Variants in MARCHF1 observed in about 807,000 individuals in gnomAD.
MARCHF1 encodes membrane associated ring-CH-type finger 1, also known as E3 ubiquitin-protein ligase MARCHF1.
In MARCHF1, 40 loss-of-function variants were observed where a neutral mutation model predicts 54.2. That is an observed-to-expected ratio of 0.74 (90% CI 0.57 to 0.96). MARCHF1 has a LOEUF of 0.96. Ranked by LOEUF, MARCHF1 falls within the 40% of genes least tolerant of loss-of-function variation. The pLI is 0.00. For missense variants in MARCHF1, 586 were observed against 656.5 expected (o/e 0.89, Z 1.17); for synonymous variants, 236 against 236.3 (o/e 1.00, Z 0.01).
chr4:164,329,390 TA>T (rs1735366845), intron 1 of MARCHF1, among the ~76,000 whole-genome samples: 1 of 138,954 alleles, frequency 7.2e-6, no homozygotes, highest in Non-Finnish European at 1.6e-5. Flanking sequence ...AAGGGAGAAA[TA>T]AAGAAAAAAG....
Position 164,172,271 on chromosome 4 carries a change from A to C in MARCHF1, c.-322-60609T>G, listed in dbSNP as rs554139537. On this transcript the variant is annotated intron_variant, in intron 1 of 9. Coordinates refer to ENST00000514618, the MANE Select transcript of MARCHF1 (RefSeq NM_001394959.1). Reference sequence around the variant, plus strand: ...TAAACAAATTAAATTCTTGTTTATGAGATTATAATCACTTTATAGGTGGTA... The same window carrying C: ...TAAACAAATTAAATTCTTGTTTATGCGATTATAATCACTTTATAGGTGGTA... Among the ~76,000 whole-genome samples the C allele has an allele frequency of 3.5e-3, 527 of 152,358 alleles. 9 individuals carry two copies. The highest frequency in any genetic ancestry group is 1.7e-3 in the Non-Finnish European group (114 of 68,038).
rs1225480418 is a variant in MARCHF1, at chr4:163,530,545, T to G, written c.1340-1499A>C. 2.0e-5 allele frequency: 3 copies of G among 151,972 alleles called. No individual in the cohort carries two copies. The South Asian group carries it at 6.2e-4, about 31-fold the overall frequency. The allele number at this position is 151,972 out of a possible 1,614,324, so 9.4% of individuals were successfully genotyped here. A position where few individuals can be genotyped will look rare whatever the true frequency, so the allele number is the denominator to read the frequency against. On this transcript the variant is annotated intron_variant, in intron 9 of 9. Transcript: ENST00000514618. ...AATGCTTTGGCTCTGACTCTTCCTT[T>G]GAAATTTTTGGGGAAAAAATGTTCT...
At chr4:164,365,602 A>C (rs1328283189) in intron 1 of MARCHF1, among the ~76,000 whole-genome samples, 1 of 152,052 alleles carries the variant, frequency 6.6e-6, no homozygotes, top group Non-Finnish European at 1.5e-5. Context: ...CTTTGTAAGC[A>C]CTACTTTATT....
chr4:164,370,115 G>T (rs1412103952), intron 1 of MARCHF1, among the ~76,000 whole-genome samples: 1 of 152,150 alleles, frequency 6.6e-6, no homozygotes, highest in Non-Finnish European at 1.5e-5. Context: ...GGACAGGAAA[G>T]CTCTATCATA....
At chr4:164,261,664 C>T (rs1404709964) in intron 1 of MARCHF1, among the ~76,000 whole-genome samples, 8 of 152,180 alleles carry the variant, frequency 5.3e-5, no homozygotes, top group Admixed American at 4.6e-4. Flanking sequence ...TTCCCATCAG[C>T]TCTTCAAAGA....
intron 4 of MARCHF1, among the ~76,000 whole-genome samples, chr4:163,850,709 G>C (rs1217392582): frequency 1.3e-5 from 2 of 152,152 alleles, no homozygotes; most frequent in Non-Finnish European, 2.9e-5. Flanking sequence ...CAAAACTCTT[G>C]GCAAAACTGC....
rs1272615238 is a variant in MARCHF1, at chr4:164,238,044, G to A, written c.-322-126382C>T. On this transcript the variant is annotated intron_variant, in intron 1 of 9. Coordinates refer to ENST00000514618, the MANE Select transcript of MARCHF1 (RefSeq NM_001394959.1). ...AACAATTAAACTAATATAATTCAAT[G>A]ATTCTGGAAAACCACTAAAAGGAAA... Among the ~76,000 whole-genome samples the A allele has an allele frequency of 2.6e-5, 4 of 152,090 alleles. No individual in the cohort carries two copies. In the East Asian group the frequency reaches 7.7e-4, roughly 29 times the overall value.
At chr4:163,687,193 C>A (rs111337660) in intron 5 of MARCHF1, among the ~76,000 whole-genome samples, 1 of 151,582 alleles carries the variant, frequency 6.6e-6, no homozygotes, top group African/African-American at 2.4e-5. Context: ...TCTAACCCCC[C>A]AAGTTCAATG....
At chr4:163,880,645 G>C (rs1377323612) in intron 3 of MARCHF1, among the ~76,000 whole-genome samples, 1 of 151,898 alleles carries the variant, frequency 6.6e-6, no homozygotes, top group African/African-American at 2.4e-5. Flanking sequence ...TATGAAGTAG[G>C]AAGGTTTTAT....
intron 1 of MARCHF1, among the ~76,000 whole-genome samples, chr4:164,239,232 T>A (rs1161423621): frequency 1.3e-5 from 2 of 152,036 alleles, no homozygotes; most frequent in African/African-American, 4.8e-5. Flanking sequence ...GTGAATAATC[T>A]CTGAGTGAGG....
intron 1 of MARCHF1, among the ~76,000 whole-genome samples, chr4:164,310,902 G>A (rs984428962): frequency 2.0e-5 from 3 of 152,060 alleles, no homozygotes; most frequent in Admixed American, 6.5e-5. Flanking sequence ...AGTGATTAGT[G>A]GGTCAATATT....
intron 3 of MARCHF1, among the ~76,000 whole-genome samples, chr4:163,935,529 T>G (rs530670223): frequency 5.5e-4 from 84 of 152,262 alleles, no homozygotes; most frequent in African/African-American, 2.0e-3. Flanking sequence ...CTCTGATAGA[T>G]TCTATCCTTT....
intron 2 of MARCHF1, among the ~76,000 whole-genome samples, chr4:164,020,342 T>C (rs1054703832): frequency 4.6e-5 from 7 of 152,174 alleles, no homozygotes; most frequent in Non-Finnish European, 1.0e-4. Context: ...AAGCTCAATA[T>C]AGGAATGTTA....
chr4:163,589,885 T>C (rs1353280590), intron 7 of MARCHF1, among the ~76,000 whole-genome samples: 1 of 152,114 alleles, frequency 6.6e-6, no homozygotes, highest in Non-Finnish European at 1.5e-5. Context: ...CAAGCTGAAT[T>C]CACAGATTTT....
chr4:163,550,126 AC>A (rs1232647364), intron 8 of MARCHF1, among the ~76,000 whole-genome samples: 1 of 152,104 alleles, frequency 6.6e-6, no homozygotes, highest in Non-Finnish European at 1.5e-5. Context: ...CTACTAGAAT[AC>A]AAAAATTATC....
At chr4:164,153,600 A>G (rs2110915966) in intron 1 of MARCHF1, among the ~76,000 whole-genome samples, 1 of 152,250 alleles carries the variant, frequency 6.6e-6, no homozygotes, top group East Asian at 1.9e-4. Context: ...CTTTTTACAA[A>G]TTAGCATTTA....
At chr4:163,745,267 A>G (rs1420384154) in intron 4 of MARCHF1, among the ~76,000 whole-genome samples, 1 of 151,720 alleles carries the variant, frequency 6.6e-6, no homozygotes, top group Non-Finnish European at 1.5e-5. Flanking sequence ...GCCCACCACC[A>G]CACCTGGCTA....
At chr4:163,848,212 T>C (rs1464124245) in intron 4 of MARCHF1, among the ~76,000 whole-genome samples, 2 of 152,208 alleles carry the variant, frequency 1.3e-5, no homozygotes, top group Non-Finnish European at 2.9e-5. Flanking sequence ...TAGTTTCTCC[T>C]CTTTAATTTT....
intron 1 of MARCHF1, among the ~76,000 whole-genome samples, chr4:164,254,300 C>A (rs960800998): frequency 1.4e-5 from 2 of 141,602 alleles, no homozygotes; most frequent in Non-Finnish European, 3.0e-5. Flanking sequence ...CTTAAAGGGA[C>A]AGAACTAATA....
Sources: gnomAD v4.1 joint callset for allele counts (sites outside exome capture counted in the v4.1 genomes callset) on GRCh38, gnomAD v4.1.1 for gene constraint, MANE v1.5 for transcripts, NCBI Gene and HGNC (gene_info 2026-07-23, HGNC 2026-07-21) for gene names.